EEFSEC: variants seen among roughly 807,000 people sequenced by gnomAD.
EEFSEC encodes the protein selenocysteine-specific elongation factor.
In EEFSEC, 43 loss-of-function variants were observed where a neutral mutation model predicts 42.1. The ratio of observed to expected loss-of-function variants is 1.02; its 90% CI spans 0.80 to 1.32. The LOEUF is 1.32. Among genes scored for constraint, EEFSEC ranks in the 40% most tolerant of loss-of-function variants. The pLI is 0.00. For synonymous variants in EEFSEC, 354 were observed against 339.1 expected (o/e 1.04, Z -0.48); for missense variants, 745 against 803.6 (o/e 0.93, Z 0.88).
rs1559885275 is a variant in EEFSEC, at chr3:128,247,058, GA to G, written c.524+16del. The G allele has an allele frequency of 6.2e-7, 1 of 1,613,254 alleles. No individual in the cohort carries two copies. Among genetic ancestry groups the G allele is most frequent in the South Asian group, 1.1e-5 (1 of 91,044 alleles). On this transcript the variant is annotated intron_variant, in intron 2 of 6. Transcript: ENST00000254730. ...GAGAACACCAAGTAGGTCTGCTAAT[GA>G]GAGCAATGTTCACTGCATAAGAAGG... is the stretch of plus-strand genomic sequence containing the variant.
At chr3:128,299,543 T>TA (rs1559909403) in intron 4 of EEFSEC, among the ~76,000 whole-genome samples, 1 of 152,232 alleles carries the variant, frequency 6.6e-6, no homozygotes, top group Non-Finnish European at 1.5e-5. Context: ...TTCTGGCTTG[T>TA]AGCATGTGCT....
chr3:128,424,156 G>T, the EEFSEC span, among the ~76,000 whole-genome samples: 1 of 152,154 alleles, frequency 6.6e-6, no homozygotes, highest in Non-Finnish European at 1.5e-5. Context: ...GCAGGCTGCA[G>T]GAAGCACCCA....
chr3:128,271,376 A>G (rs747594873), intron 4 of EEFSEC, among the ~76,000 whole-genome samples: 23 of 152,224 alleles, frequency 1.5e-4, no homozygotes, highest in Non-Finnish European at 4.4e-5. Context: ...GTTTTTATCT[A>G]GAAAATATTG....
chr3:128,399,891 G>A (rs749488773), intron 6 of EEFSEC, among the ~76,000 whole-genome samples: 8 of 152,156 alleles, frequency 5.3e-5, no homozygotes, highest in East Asian at 1.9e-4. Flanking sequence ...CTGCTAGCAG[G>A]CAGAGGGGTC....
In EEFSEC at chr3:128,389,993, T is replaced by C. The variant is rs976332678; in HGVS notation, c.1601-18076T>C. Reference sequence around the variant, plus strand: ...ATGCTGTGGATTTGGATTTGGGTCCTGGAGGCAGGGAGGCCCAGTGTCATG... The same window carrying C: ...ATGCTGTGGATTTGGATTTGGGTCCCGGAGGCAGGGAGGCCCAGTGTCATG... On this transcript the variant is annotated intron_variant, in intron 6 of 6. Coordinates refer to ENST00000254730, the MANE Select transcript of EEFSEC (RefSeq NM_021937.5). 2.6e-5 allele frequency among the ~76,000 whole-genome samples: 4 copies of C among 152,368 alleles called. No homozygotes were observed. The East Asian group carries it at 7.7e-4, about 29-fold the overall frequency.
At chr3:128,267,864 T>A (rs1281384098) in intron 4 of EEFSEC, among the ~76,000 whole-genome samples, 1 of 152,202 alleles carries the variant, frequency 6.6e-6, no homozygotes, top group East Asian at 1.9e-4. Flanking sequence ...CCCCTTGATG[T>A]ATATAAGAGA....
intron 1 of EEFSEC, among the ~76,000 whole-genome samples, chr3:128,196,786 G>T (rs2065589285): frequency 6.6e-6 from 1 of 152,186 alleles, no homozygotes; most frequent in Non-Finnish European, 1.5e-5. Flanking sequence ...CAGTCTCCTT[G>T]TCTGCAGAAG....
intron 4 of EEFSEC, among the ~76,000 whole-genome samples, chr3:128,274,524 C>G (rs548411330): frequency 6.6e-6 from 1 of 152,284 alleles, no homozygotes; most frequent in East Asian, 1.9e-4. Context: ...CCTGTAGAAG[C>G]CACATGTTGA....
intron 6 of EEFSEC, among the ~76,000 whole-genome samples, chr3:128,359,177 G>A (rs1054242081): frequency 6.6e-6 from 1 of 152,138 alleles, no homozygotes. Flanking sequence ...GAGCCACATG[G>A]GTAGTCAGGG....
chr3:128,208,394 A>G (rs1014221941), intron 1 of EEFSEC, among the ~76,000 whole-genome samples: 27 of 152,200 alleles, frequency 1.8e-4, no homozygotes, highest in African/African-American at 6.5e-4. Context: ...AGGAAAAATG[A>G]CCAAATTGTT....
chr3:128,352,824 G>T (rs1034800421), intron 5 of EEFSEC, among the ~76,000 whole-genome samples: 2 of 152,278 alleles, frequency 1.3e-5, no homozygotes, highest in African/African-American at 4.8e-5. Flanking sequence ...TATAGATGGA[G>T]AGATGCCTGC....
At chr3:128,159,178 G>A (rs1486689883) in intron 1 of EEFSEC, among the ~76,000 whole-genome samples, 2 of 152,262 alleles carry the variant, frequency 1.3e-5, no homozygotes, top group South Asian at 2.1e-4. Context: ...CCAGGAACTT[G>A]CATCTATGCA....
At chr3:128,254,149 A>T (rs2066217706) in intron 2 of EEFSEC, among the ~76,000 whole-genome samples, 1 of 152,098 alleles carries the variant, frequency 6.6e-6, no homozygotes, top group South Asian at 2.1e-4. Context: ...TTTGTGTCGG[A>T]GTTAAAGGCC....
intron 1 of EEFSEC, among the ~76,000 whole-genome samples, chr3:128,198,220 A>G (rs2065606468): frequency 6.6e-6 from 1 of 152,142 alleles, no homozygotes. Flanking sequence ...TGCCAAAACT[A>G]TTTTTACATA....
intron 1 of EEFSEC, among the ~76,000 whole-genome samples, chr3:128,217,168 C>G (rs1421915901): frequency 6.6e-6 from 1 of 152,182 alleles, no homozygotes; most frequent in Non-Finnish European, 1.5e-5. Flanking sequence ...TGTCACCATT[C>G]TAAGGGCCTT....
chr3:128,242,629 A>G (rs946790708), intron 1 of EEFSEC, among the ~76,000 whole-genome samples: 9 of 152,310 alleles, frequency 5.9e-5, no homozygotes, highest in Admixed American at 5.2e-4. Context: ...CACCTCACAG[A>G]TAACTTATGC....
rs562918601 is a variant in EEFSEC at position 128,379,926 on chromosome 3, G to A, written c.1600+21553G>A. On this transcript the variant is annotated intron_variant, in intron 6 of 6. Coordinates refer to ENST00000254730, the MANE Select transcript of EEFSEC (RefSeq NM_021937.5). ...AATGAGTCATGTGGCCAGCCTCTCTGGGCCCACACATGCTCCACCTTGTGT... is the reference window on the plus strand; with the variant it reads ...AATGAGTCATGTGGCCAGCCTCTCTAGGCCCACACATGCTCCACCTTGTGT... Among the ~76,000 whole-genome samples the A allele has an allele frequency of 1.2e-3, 186 of 152,362 alleles. 3 individuals carry two copies. The highest frequency in any genetic ancestry group is 4.2e-3 in the African/African-American group (174 of 41,590).
At chr3:128,305,226 A>G (rs1576623793) in intron 4 of EEFSEC, among the ~76,000 whole-genome samples, 1 of 152,172 alleles carries the variant, frequency 6.6e-6, no homozygotes, top group Non-Finnish European at 1.5e-5. Context: ...TTATATTAAT[A>G]TGTTTTCTAG....
At chr3:128,274,799 A>T (rs2066450929) in intron 4 of EEFSEC, among the ~76,000 whole-genome samples, 1 of 152,180 alleles carries the variant, frequency 6.6e-6, no homozygotes, top group Non-Finnish European at 1.5e-5. Context: ...CAGCTGTGTG[A>T]CTGGGGCAAG....
Sources: allele counts gnomAD v4.1 joint callset (sites outside exome capture counted in the v4.1 genomes callset), GRCh38; gene constraint gnomAD v4.1.1; transcripts MANE v1.5; gene names NCBI Gene and HGNC (gene_info 2026-07-23, HGNC 2026-07-21).